Variants in FOXK1 observed in about 807,000 individuals in gnomAD.
FOXK1 encodes forkhead box protein K1.
Under a neutral mutation model 51.9 loss-of-function variants are expected in FOXK1, and 19 were observed. The ratio of observed to expected loss-of-function variants is 0.37; its 90% confidence interval spans 0.26 to 0.54. FOXK1 has a LOEUF of 0.54. Ranked by LOEUF, FOXK1 falls within the 20% of genes least tolerant of loss-of-function variation. The pLI is 0.87. For synonymous variants in FOXK1, 537 were observed against 482.6 expected (o/e 1.11, Z -1.48); for missense variants, 870 against 1,032.7 (o/e 0.84, Z 2.16).
rs199938511 is a variant in FOXK1, at chr7:4,741,036, C to G, written c.746+13C>G. On this transcript the variant is annotated intron_variant, in intron 2 of 8. Transcript: ENST00000328914. ...CGGGCACCATCAGGTGAGTAGCCCCCCAGCCTGCCCTTGGGCCCCCAGGAG... is the reference window on the plus strand; with the variant it reads ...CGGGCACCATCAGGTGAGTAGCCCCGCAGCCTGCCCTTGGGCCCCCAGGAG... The G allele has an allele frequency of 2.3e-5, 34 of 1,492,946 alleles. No homozygotes were observed. The African/African-American group carries it at 4.3e-4, about 19-fold the overall frequency. The allele number at this position is 1,492,946 out of a possible 1,614,324, so 92.5% of individuals were successfully genotyped here. A position where few individuals can be genotyped will look rare whatever the true frequency, so the allele number is the denominator to read the frequency against.
In FOXK1 at chr7:4,753,817, G is replaced by T. The variant is rs1312309715; in HGVS notation, c.747-642G>T. Among the ~76,000 whole-genome samples the T allele has an allele frequency of 6.6e-6, 1 of 152,182 alleles. No individual in the cohort carries two copies. The highest frequency in any genetic ancestry group is 1.5e-5 in the Non-Finnish European group (1 of 68,024). On this transcript the variant is annotated intron_variant, in intron 2 of 8. Transcript: ENST00000328914. The surrounding 1 kb of genome is among the most constrained non-coding windows in gnomAD (Gnocchi z 4.9). ...CCCAGAGCCTCACCTGCAGCCGGGG[G>T]TGTCGGTCACTCCCAGCCATCTGTG...
At chr7:4,704,745 T>G (rs1051037056) in intron 1 of FOXK1, among the ~76,000 whole-genome samples, 3 of 152,060 alleles carry the variant, frequency 2.0e-5, no homozygotes, top group African/African-American at 7.3e-5. Flanking sequence ...TTCTGTTGTT[T>G]CTGTAGAGAT....
intron 5 of FOXK1, 60 bp downstream of exon 5, chr7:4,757,247 T>G (rs1780865034): frequency 2.1e-6 from 3 of 1,453,026 alleles, no homozygotes; most frequent in Admixed American, 4.1e-5. Flanking sequence ...CCCTGGAGTT[T>G]AGAGATACGT....
At position 4,682,836 on chromosome 7, in the gene FOXK1, A is replaced by T. The variant is rs1245886231; in HGVS notation, c.528A>T (p.Arg176Ser). Residue 176 changes from arginine (R) to serine (S), a missense_variant, in exon 1 of 9, where the codon AGA (arginine) becomes AGT (serine). By Grantham distance (110) the Arg-to-Ser change is moderately radical (BLOSUM62 -1). Around this residue, in one of 3 missense-constraint regions of FOXK1, gnomAD observed 399 missense variants for 475.6 expected, o/e 0.84. Transcript: ENST00000328914. The surrounding 1 kb of genome is among the most constrained non-coding windows in gnomAD (Gnocchi z 7.6). ...TCTTCGTGGACGGGGCCTTCCAGAG[A>T]CGCGGCGCGCCCGCCCTGCAGCTGC... The part of the protein sequence containing the change: ...NGVFVDGAFQ[R>S]RGAPALQLPK... The T allele has an allele frequency of 1.3e-6, 2 of 1,564,744 alleles. No individual in the cohort carries two copies. Among genetic ancestry groups the T allele is most frequent in the South Asian group, 1.1e-5 (1 of 87,812 alleles).
Position 4,763,634 on chromosome 7 carries a change from CG to C in FOXK1, c.*1172del. On this transcript the variant is annotated 3_prime_UTR_variant, in exon 9 of 9. Transcript: ENST00000328914. ...AACGCGACTGGTTTTGTTTGCCACA[CG>C]GTGAGAACCGGAGGACGGGATGCTC... 1 of 152,478 alleles carries C rather than the reference CG, an allele frequency of 6.6e-6. No homozygotes were observed. Among genetic ancestry groups the C allele is most frequent in the Non-Finnish European group, 1.5e-5 (1 of 68,122 alleles). 9.4% of individuals were successfully genotyped at this position (152,478 alleles called of 1,614,324 possible).
Position 4,741,003 on chromosome 7 carries a change from C to G in FOXK1, c.726C>G (p.Pro242=). The change falls in exon 2 of 9, where the codon CCC becomes CCG. Residue 242 remains proline (P), a synonymous_variant. Coordinates refer to ENST00000328914, the MANE Select transcript of FOXK1 (RefSeq NM_001037165.2). ...PDLRSMVSPV[P]SPTGTISVPN... ...TCCGGAGCATGGTCAGCCCCGTCCC[C>G]TCCCCGACGGGCACCATCAGGTGAG... 1 of 1,529,642 alleles carries G rather than the reference C, an allele frequency of 6.5e-7. No homozygotes were observed. The highest frequency in any genetic ancestry group is 1.7e-4 in the Middle Eastern group (1 of 5,820). The allele number at this position is 1,529,642 out of a possible 1,614,324, so 94.8% of individuals were successfully genotyped here.
intron 2 of FOXK1, among the ~76,000 whole-genome samples, chr7:4,742,270 A>T (rs1325917805): frequency 6.6e-6 from 1 of 152,244 alleles, no homozygotes; most frequent in African/African-American, 2.4e-5. Flanking sequence ...CGCTCTGGGC[A>T]TGCTGATCTG....
intron 1 of FOXK1, among the ~76,000 whole-genome samples, chr7:4,739,397 A>ATTGTTT (rs766361341): frequency 6.8e-4 from 104 of 152,108 alleles, no homozygotes; most frequent in Admixed American, 1.8e-3. Context: ...GCTGCTTTAC[A>ATTGTTT]TTGTTTTTGT....
intron 1 of FOXK1, among the ~76,000 whole-genome samples, chr7:4,727,028 T>C (rs1250056230): frequency 1.3e-5 from 2 of 152,200 alleles, no homozygotes; most frequent in African/African-American, 4.8e-5. Flanking sequence ...CATTGCAGCC[T>C]TGAATTCCTG....
chr7:4,691,469 GAGTT>G, intron 1 of FOXK1, among the ~76,000 whole-genome samples: 1 of 152,138 alleles, frequency 6.6e-6, no homozygotes, highest in African/African-American at 2.4e-5. Context: ...CGAGTAGCTG[GAGTT>G]ACAGGTGCCT....
rs1319457663 is a variant in FOXK1 at position 4,757,173 on chromosome 7, G to C, written c.1230G>C (p.Gly410=). The C allele has an allele frequency of 9.3e-6, 15 of 1,607,208 alleles. No individual in the cohort carries two copies. Among genetic ancestry groups the C allele is most frequent in the Non-Finnish European group, 9.3e-6 (11 of 1,177,182 alleles). Residue 410 remains glycine (G), a synonymous_variant, in exon 5 of 9, where the codon GGG becomes GGC. Coordinates refer to ENST00000328914, the MANE Select transcript of FOXK1 (RefSeq NM_001037165.2). ...TCTCCTGCTTCCGCACCCCCTTCGG[G>C]CCTCTGTCCTCAAGGTAAAGTTCTC... ...RGVSCFRTPF[G]PLSSRSAPAS... is the part of the protein sequence containing the mutation.
chr7:4,721,419 T>A (rs1780309006), intron 1 of FOXK1, among the ~76,000 whole-genome samples: 1 of 152,114 alleles, frequency 6.6e-6, no homozygotes, highest in African/African-American at 2.4e-5. Flanking sequence ...CAGGTGACAG[T>A]GGCTCAGTAA....
chr7:4,734,971 G>C lies in FOXK1; in HGVS notation c.561-5867G>C, dbSNP rs559126400. Among the ~76,000 whole-genome samples the C allele has an allele frequency of 6.6e-6, 1 of 152,162 alleles. No homozygotes were observed. The highest frequency in any genetic ancestry group is 1.5e-5 in the Non-Finnish European group (1 of 68,042). On this transcript the variant is annotated intron_variant, in intron 1 of 8. Transcript: ENST00000328914. This position sits in a 1 kb window ranked among gnomAD's most constrained non-coding sequence, Gnocchi z 5.2. ...TCCTTCCCTCTCTGATTATTTCTCTGAGTCTGAAATGATGACAATTGTATT... is the reference window on the plus strand; with the variant it reads ...TCCTTCCCTCTCTGATTATTTCTCTCAGTCTGAAATGATGACAATTGTATT...
chr7:4,765,160 G>T lies in FOXK1; in HGVS notation c.*2696G>T, dbSNP rs183275725. Reference sequence around the variant, plus strand: ...GGCAAGGAGAGGAGGCCTGGGTCCTGGATCCACTGCTCTGGGCTCATAACC... The same window carrying T: ...GGCAAGGAGAGGAGGCCTGGGTCCTTGATCCACTGCTCTGGGCTCATAACC... On this transcript the variant is annotated 3_prime_UTR_variant, in exon 9 of 9. Coordinates refer to ENST00000328914, the MANE Select transcript of FOXK1 (RefSeq NM_001037165.2). The T allele has an allele frequency of 5.5e-4, 85 of 153,496 alleles. No individual in the cohort carries two copies. The highest frequency in any genetic ancestry group is 1.0e-3 in the Non-Finnish European group (69 of 68,846). 9.5% of individuals were successfully genotyped at this position (153,496 alleles called of 1,614,324 possible).
chr7:4,705,991 TAC>T (rs1780090870), intron 1 of FOXK1, among the ~76,000 whole-genome samples: 1 of 100,530 alleles, frequency 9.9e-6, no homozygotes. Context: ...TACGTATATA[TAC>T]GTATATATAC....
chr7:4,752,676 C>T (rs999099144), intron 2 of FOXK1, among the ~76,000 whole-genome samples: 1 of 152,232 alleles, frequency 6.6e-6, no homozygotes. Flanking sequence ...ATGTGAGTGA[C>T]ACCTCGGCTC....
chr7:4,712,370 C>T (rs1245558128), intron 1 of FOXK1, among the ~76,000 whole-genome samples: 1 of 151,964 alleles, frequency 6.6e-6, no homozygotes, highest in Non-Finnish European at 1.5e-5. Context: ...CTTGAAGAAC[C>T]CCAACTGAGG....
At chr7:4,739,715 C>T (rs900267138) in intron 1 of FOXK1, among the ~76,000 whole-genome samples, 1 of 152,250 alleles carries the variant, frequency 6.6e-6, no homozygotes, top group African/African-American at 2.4e-5. Flanking sequence ...AATGCACGCT[C>T]TCTGCGACTC....
chr7:4,699,470 C>T (rs938035925), intron 1 of FOXK1, among the ~76,000 whole-genome samples: 2 of 151,706 alleles, frequency 1.3e-5, no homozygotes, highest in African/African-American at 4.8e-5. Context: ...CCAGGTCAAG[C>T]GATTGTCCTG....
Sources: gnomAD v4.1 joint callset for allele counts (sites outside exome capture counted in the v4.1 genomes callset) on GRCh38, gnomAD v4.1.1 for gene constraint, gnomAD v4.1.1 regional missense constraint, Gnocchi (gnomAD v3.1) non-coding constraint, MANE v1.5 for transcripts, NCBI Gene and HGNC (gene_info 2026-07-23, HGNC 2026-07-21) for gene names.